Variants in CNTNAP5 observed in about 807,000 individuals in gnomAD.
The protein encoded by CNTNAP5 is contactin associated protein family member 5, also known as contactin-associated protein-like 5.
A neutral mutation model predicts 150.2 loss-of-function variants in CNTNAP5; 72 were observed. The observed-to-expected ratio is 0.48, with a 90% CI of 0.40 to 0.58. CNTNAP5 has a LOEUF of 0.58. Among genes scored for constraint, CNTNAP5 ranks in the 20% least tolerant of loss-of-function variants. The pLI is 0.00. For synonymous variants in CNTNAP5, 672 were observed against 619.8 expected (o/e 1.08, Z -1.25); for missense variants, 1,636 against 1,626.2 (o/e 1.01, Z -0.10).
chr2:124,368,475 C>T (rs1023682193), intron 3 of CNTNAP5, among the ~76,000 whole-genome samples: 1 of 152,076 alleles, frequency 6.6e-6, no homozygotes, highest in Non-Finnish European at 1.5e-5. Context: ...AGTTCATTTA[C>T]AGAAATCTAT....
chr2:124,065,577 A>C (rs1682132897), intron 1 of CNTNAP5, among the ~76,000 whole-genome samples: 1 of 152,190 alleles, frequency 6.6e-6, no homozygotes, highest in South Asian at 2.1e-4. Context: ...AACTGATAAT[A>C]ATTCGTTAAA....
At chr2:124,123,398 C>A (rs141073489) in intron 1 of CNTNAP5, among the ~76,000 whole-genome samples, 1,602 of 152,236 alleles carry the variant, frequency 0.011, 33 homozygotes, top group African/African-American at 0.037. Context: ...GTAAACAAAG[C>A]AGCTGGAAAG....
intron 13 of CNTNAP5, among the ~76,000 whole-genome samples, chr2:124,687,951 A>T (rs1162405829): frequency 2.0e-5 from 3 of 152,128 alleles, no homozygotes; most frequent in Admixed American, 6.6e-5. Flanking sequence ...TTTTACTAGT[A>T]CTAATTCTGA....
At chr2:124,353,228 C>T (rs1468098411) in intron 3 of CNTNAP5, among the ~76,000 whole-genome samples, 3 of 145,432 alleles carry the variant, frequency 2.1e-5, no homozygotes, top group South Asian at 2.2e-4. Flanking sequence ...TCTGAAAATC[C>T]AGCTTCAGTC....
At chr2:124,095,766 CT>C (rs962660032) in intron 1 of CNTNAP5, among the ~76,000 whole-genome samples, 32 of 151,618 alleles carry the variant, frequency 2.1e-4, no homozygotes, top group African/African-American at 4.6e-4. Flanking sequence ...TAATATGCAT[CT>C]TTTTTTTTCT....
At chr2:124,668,103 G>A (rs1224417680) in intron 13 of CNTNAP5, among the ~76,000 whole-genome samples, 1 of 152,222 alleles carries the variant, frequency 6.6e-6, no homozygotes, top group Non-Finnish European at 1.5e-5. Context: ...TGATGTATCA[G>A]GGAATTCCCT....
chr2:124,883,003 A>G (rs1484114005), intron 21 of CNTNAP5, among the ~76,000 whole-genome samples: 1 of 151,942 alleles, frequency 6.6e-6, no homozygotes, highest in East Asian at 1.9e-4. Flanking sequence ...GATTATGGGA[A>G]CTACAGTTTA....
At chr2:124,790,492 A>G (rs1309790218) in intron 18 of CNTNAP5, among the ~76,000 whole-genome samples, 1 of 152,230 alleles carries the variant, frequency 6.6e-6, no homozygotes, top group Non-Finnish European at 1.5e-5. Context: ...TAATCAAAGA[A>G]TTGTAGAATC....
intron 1 of CNTNAP5, among the ~76,000 whole-genome samples, chr2:124,157,331 A>T (rs112531240): frequency 1.3e-5 from 2 of 152,342 alleles, no homozygotes; most frequent in African/African-American, 4.8e-5. Flanking sequence ...AGTAATTCAT[A>T]TAAAAATTCA....
chr2:124,625,497 A>T (rs1027754273), intron 12 of CNTNAP5, among the ~76,000 whole-genome samples: 2 of 150,288 alleles, frequency 1.3e-5, no homozygotes, highest in African/African-American at 5.0e-5. Flanking sequence ...TAGCATGTTT[A>T]GCAAGCACCT....
chr2:124,444,236 G>A (rs4384799), intron 5 of CNTNAP5, among the ~76,000 whole-genome samples: 149,019 of 152,134 alleles, frequency 0.98, 73,068 homozygotes, highest in East Asian at 1. Flanking sequence ...GATTATGGCC[G>A]GTCTTATAGC....
At chr2:124,778,857 AAG>A (rs1491120809) in intron 17 of CNTNAP5, among the ~76,000 whole-genome samples, 1 of 152,146 alleles carries the variant, frequency 6.6e-6, no homozygotes, top group Non-Finnish European at 1.5e-5. Context: ...AAAAAAAAAA[AAG>A]AGTTTCTTCT....
chr2:124,693,246 C>T (rs562300409), intron 13 of CNTNAP5, among the ~76,000 whole-genome samples: 1 of 152,028 alleles, frequency 6.6e-6, no homozygotes, highest in Non-Finnish European at 1.5e-5. Context: ...GAATAAATGC[C>T]TTTTTGTTAT....
chr2:124,888,558 T>A (rs1678127611), intron 21 of CNTNAP5, among the ~76,000 whole-genome samples: 1 of 152,144 alleles, frequency 6.6e-6, no homozygotes, highest in African/African-American at 2.4e-5. Context: ...AATTTGGATT[T>A]CTACCAACAG....
rs35823681 is a variant in CNTNAP5 at position 124,738,728 on chromosome 2, C to CA, written c.2078-8488dup. ...CCTGGGAGACAGAGTGAGACTCCATCAAAAAAAAAAAAAGAAAGAAAGAAA... is the reference window on the plus strand; with the variant it reads ...CCTGGGAGACAGAGTGAGACTCCATCAAAAAAAAAAAAAAGAAAGAAAGAAA... On this transcript the variant is annotated intron_variant, in intron 13 of 23. Transcript: ENST00000682447. Among the ~76,000 whole-genome samples the CA allele has an allele frequency of 6.2e-3, 800 of 130,060 alleles. 5 individuals carry two copies. The highest frequency in any genetic ancestry group is 0.016 in the African/African-American group (567 of 34,396). The allele number at this position is 130,060 out of a possible 152,430, so 85.3% of individuals were successfully genotyped here.
chr2:124,304,612 T>C (rs976421102), intron 3 of CNTNAP5, among the ~76,000 whole-genome samples: 2 of 152,044 alleles, frequency 1.3e-5, no homozygotes, highest in African/African-American at 4.8e-5. Flanking sequence ...AAAAATAACA[T>C]TCTGGCTACA....
chr2:124,488,359 C>T (rs1693939731), intron 7 of CNTNAP5, among the ~76,000 whole-genome samples: 1 of 152,028 alleles, frequency 6.6e-6, no homozygotes, highest in Non-Finnish European at 1.5e-5. Context: ...TCAGAATAAC[C>T]TTATAAAGTG....
At chr2:124,685,966 A>T (rs1051591409) in intron 13 of CNTNAP5, among the ~76,000 whole-genome samples, 2 of 152,030 alleles carry the variant, frequency 1.3e-5, no homozygotes, top group Admixed American at 6.6e-5. Context: ...TCATCTTCAC[A>T]ATTTTATTAT....
At position 124,047,375 on chromosome 2, in the gene CNTNAP5, G is replaced by C. The variant is rs571126424; in HGVS notation, c.82+21643G>C. On this transcript the variant is annotated intron_variant, in intron 1 of 23. Coordinates refer to ENST00000682447, the MANE Select transcript of CNTNAP5 (RefSeq NM_001367498.1). ...AGAGGAGAAAGTGAAACTGGGACAG[G>C]TGAAGTATCTTACCCAAGGCTTATC... Among the ~76,000 whole-genome samples, 770 of 152,336 alleles carry C rather than the reference G, an allele frequency of 5.1e-3. 4 individuals are homozygous for C. Among genetic ancestry groups the C allele is most frequent in the Non-Finnish European group, 8.0e-3 (545 of 68,032 alleles).
Sources: allele counts gnomAD v4.1 joint callset (sites outside exome capture counted in the v4.1 genomes callset), GRCh38; gene constraint gnomAD v4.1.1; transcripts MANE v1.5; gene names NCBI Gene and HGNC (gene_info 2026-07-23, HGNC 2026-07-21).